The following SFSWAP variants were observed in gnomAD, a reference collection of about 807,000 sequenced individuals.
SFSWAP encodes splicing factor, suppressor of white-apricot homolog.
A neutral mutation model predicts 100.7 loss-of-function variants in SFSWAP; 17 were observed. The observed-to-expected ratio is 0.17, with a 90% confidence interval of 0.12 to 0.25. SFSWAP has a LOEUF of 0.25. Among genes scored for constraint, SFSWAP ranks in the 10% least tolerant of loss-of-function variants. The pLI, the probability that SFSWAP is intolerant of heterozygous loss-of-function variation, is 1.00. For synonymous variants in SFSWAP, 504 were observed against 510.1 expected, an observed-to-expected ratio of 0.99 and a Z score of 0.16; for missense variants, 1,005 against 1,262.6, an observed-to-expected ratio of 0.80 and a Z score of 3.09.
chr12:131,771,573 C>G (rs758143800), intron 13 of SFSWAP, among the ~76,000 whole-genome samples: 17 of 151,910 alleles, frequency 1.1e-4, no homozygotes, highest in Non-Finnish European at 2.5e-4. Context: ...TACCATCAGC[C>G]TTTCGGTGGG....
At chr12:131,785,738 G>A (rs1884845788) in intron 14 of SFSWAP, 1 of 153,838 alleles carries the variant, frequency 6.5e-6, no homozygotes, top group African/African-American at 2.4e-5. Context: ...GGAGGAATCA[G>A]TGTTAATGGG....
chr12:131,779,207 G>A (rs907803916), intron 14 of SFSWAP, among the ~76,000 whole-genome samples: 1 of 150,088 alleles, frequency 6.7e-6, no homozygotes, highest in Non-Finnish European at 1.5e-5. Flanking sequence ...GCGCGGATGA[G>A]TGTGTGTGAA....
At chr12:131,761,651 C>T (rs1022410605) in intron 11 of SFSWAP, among the ~76,000 whole-genome samples, 3 of 152,192 alleles carry the variant, frequency 2.0e-5, no homozygotes, top group Non-Finnish European at 2.9e-5. Flanking sequence ...GAGACCTACT[C>T]ACTGAAGCTG....
Position 131,799,297 on chromosome 12 carries a change from C to T in SFSWAP, c.2791-126C>T, listed in dbSNP as rs571967702. On this transcript the variant is annotated intron_variant, in intron 17 of 17. Coordinates refer to ENST00000261674, the MANE Select transcript of SFSWAP (RefSeq NM_004592.4). Reference sequence around the variant, plus strand: ...GGCCCGCACCCTGCACAGCCAGGCTCCTCCGCCGCCCCCACGGTGCTAGCA... The same window carrying T: ...GGCCCGCACCCTGCACAGCCAGGCTTCTCCGCCGCCCCCACGGTGCTAGCA... 25 of 1,114,722 alleles carry T rather than the reference C, an allele frequency of 2.2e-5. No individual in the cohort carries two copies. In the East Asian group the frequency reaches 4.9e-4, roughly 22 times the overall value. 69.1% of individuals were successfully genotyped at this position (1,114,722 alleles called of 1,614,324 possible).
chr12:131,725,510 T>G lies in SFSWAP; in HGVS notation c.712T>G (p.Ser238Ala), dbSNP rs78630247. 1 of 1,614,042 alleles carries G rather than the reference T, an allele frequency of 6.2e-7. No individual in the cohort carries two copies. The highest frequency in any genetic ancestry group is 8.5e-7 in the Non-Finnish European group (1 of 1,180,042). Residue 238 changes from serine to alanine, a missense_variant, in exon 5 of 18, where the codon TCC becomes GCC. Physicochemically the swap from Ser to Ala is moderately conservative, Grantham distance 99. This residue lies in a region of SFSWAP where 237 missense variants were observed against 337.0 expected (regional missense o/e 0.70). Coordinates refer to ENST00000261674, the MANE Select transcript of SFSWAP (RefSeq NM_004592.4). This position sits in a 1 kb window ranked among gnomAD's most constrained non-coding sequence, Gnocchi z 4.3. ...GCTGAAGGCCAAGCAGGCCCGGAAC[T>G]CCCAGTTTGACTTTCTGCGCTTCGA... ...IMLKAKQARN[S>A]QFDFLRFDHY...
chr12:131,769,806 T>G (rs1315767099), intron 13 of SFSWAP, among the ~76,000 whole-genome samples: 1 of 152,166 alleles, frequency 6.6e-6, no homozygotes, highest in Non-Finnish European at 1.5e-5. Context: ...TTTTTGTATT[T>G]TTAGTAGAGA....
Position 131,714,843 on chromosome 12 carries a change from G to A in SFSWAP, c.410G>A (p.Ser137Asn), listed in dbSNP as rs1877733296. The A allele has an allele frequency of 3.7e-6, 6 of 1,613,916 alleles. No individual in the cohort carries two copies. The highest frequency in any genetic ancestry group is 2.7e-5 in the African/African-American group (2 of 74,918). ...ARQEEEYKRL[S>N]EALAEDGSYN... The stretch of plus-strand genomic sequence containing the variant: ...CAAGAGGAAGAATACAAGCGATTGA[G>A]TGAAGCACTAGCAGAGGATGGGAGC... The change falls in exon 3 of 18, where the codon AGT becomes AAT. Residue 137 changes from serine (S) to asparagine (N), a missense_variant. Ser to Asn is a conservative substitution (Grantham distance 46). Coordinates refer to ENST00000261674, the MANE Select transcript of SFSWAP (RefSeq NM_004592.4). This position sits in a 1 kb window ranked among gnomAD's most constrained non-coding sequence, Gnocchi z 6.0.
intron 11 of SFSWAP, chr12:131,757,500 C>G (rs1012355656): frequency 6.6e-6 from 1 of 152,552 alleles, no homozygotes; most frequent in Non-Finnish European, 1.5e-5. Context: ...GCCACTGGAG[C>G]GACTTCAGAG....
chr12:131,763,052 A>T (rs572338948), intron 11 of SFSWAP, among the ~76,000 whole-genome samples: 4 of 152,194 alleles, frequency 2.6e-5, no homozygotes, highest in African/African-American at 4.8e-5. Context: ...CTGTCCCGGT[A>T]TCAGTATCTT....
chr12:131,776,967 T>C (rs542403991), intron 13 of SFSWAP, among the ~76,000 whole-genome samples: 1 of 152,314 alleles, frequency 6.6e-6, no homozygotes, highest in East Asian at 1.9e-4. Context: ...CATATGCTCT[T>C]CTGTATGTAT....
chr12:131,753,028 A>G, intron 7 of SFSWAP, 95 bp from the exon 8 acceptor site: 1 of 1,534,182 alleles, frequency 6.5e-7, no homozygotes, highest in Admixed American at 1.8e-5. Context: ...GCAAGGCTGC[A>G]TCTTGCCGGG....
intron 7 of SFSWAP, among the ~76,000 whole-genome samples, chr12:131,731,243 C>T (rs937547276): frequency 6.6e-6 from 1 of 152,224 alleles, no homozygotes; most frequent in Non-Finnish European, 1.5e-5. Context: ...TCGGGTCCTC[C>T]AGCACCACGC....
chr12:131,755,602 T>A (rs1323973481), intron 10 of SFSWAP, 123 bp downstream of exon 10: 2 of 667,354 alleles, frequency 3.0e-6, no homozygotes, highest in Non-Finnish European at 5.2e-6. Context: ...CACCTTTTTT[T>A]AATGTGTGTC....
intron 3 of SFSWAP, 117 bp from the exon 4 acceptor site, chr12:131,719,337 C>A: frequency 4.4e-6 from 3 of 684,694 alleles, no homozygotes; most frequent in Non-Finnish European, 2.6e-6. Context: ...CTAGGAGTAA[C>A]AACAGAAGGT....
At chr12:131,792,039 CG>C in intron 15 of SFSWAP, among the ~76,000 whole-genome samples, 1 of 150,464 alleles carries the variant, frequency 6.6e-6, no homozygotes, top group Middle Eastern at 3.4e-3. Flanking sequence ...TGTGTGTTCA[CG>C]GATCAGTACT....
At chr12:131,744,856 T>G (rs992012181) in intron 7 of SFSWAP, among the ~76,000 whole-genome samples, 5 of 152,206 alleles carry the variant, frequency 3.3e-5, no homozygotes, top group African/African-American at 9.6e-5. Flanking sequence ...AGGAGCAAAG[T>G]CATGTCTTAC....
chr12:131,761,331 CAG>C (rs1325591357), intron 11 of SFSWAP, among the ~76,000 whole-genome samples: 1 of 152,324 alleles, frequency 6.6e-6, no homozygotes, highest in South Asian at 2.1e-4. Flanking sequence ...CGGGTTCACT[CAG>C]GGGTGCCCGA....
At chr12:131,724,790 C>T (rs1196685830) in intron 4 of SFSWAP, among the ~76,000 whole-genome samples, 3 of 152,306 alleles carry the variant, frequency 2.0e-5, no homozygotes, top group African/African-American at 7.2e-5. Flanking sequence ...CTGGCCAGAC[C>T]ACACCTAGGT....
At chr12:131,735,966 C>T (rs1879978638) in intron 7 of SFSWAP, among the ~76,000 whole-genome samples, 1 of 152,178 alleles carries the variant, frequency 6.6e-6, no homozygotes. Flanking sequence ...ATAAGAGAGA[C>T]TCTACTGTTA....
Sources: allele counts gnomAD v4.1 joint callset (sites outside exome capture counted in the v4.1 genomes callset), GRCh38; gene constraint gnomAD v4.1.1; regional missense constraint gnomAD v4.1.1; non-coding constraint Gnocchi (gnomAD v3.1); transcripts MANE v1.5; gene names NCBI Gene and HGNC (gene_info 2026-07-23, HGNC 2026-07-21).